The following WIPF1 variants were observed in gnomAD, a reference collection of about 807,000 sequenced individuals.
The protein encoded by WIPF1 is WAS/WASL interacting protein family member 1.
A neutral mutation model predicts 35.4 loss-of-function variants in WIPF1; 13 were observed. The ratio of observed to expected loss-of-function variants is 0.37; its 90% CI spans 0.24 to 0.58. The LOEUF (loss-of-function observed/expected upper bound fraction) is 0.58, where lower values mean the gene tolerates loss of function less well. WIPF1 is among the 20% of genes least tolerant of loss of function. The probability of loss-of-function intolerance (pLI) is 0.74; values close to 1 mark genes in which losing one functional copy is unlikely to be tolerated. For synonymous variants in WIPF1, 267 were observed against 266.3 expected (o/e 1.00, Z -0.02); for missense variants, 591 against 667.0 (o/e 0.89, Z 1.25).
intron 2 of WIPF1, 87 bp downstream of exon 2, chr2:174,585,430 GCAAACA>G (rs1685379450): frequency 3.1e-6 from 4 of 1,309,938 alleles, no homozygotes; most frequent in Middle Eastern, 3.9e-4. Flanking sequence ...GAGCCAGAAT[GCAAACA>G]CATTTAATAC....
intron 1 of WIPF1, among the ~76,000 whole-genome samples, chr2:174,629,140 G>A (rs1302569779): frequency 6.6e-6 from 1 of 152,114 alleles, no homozygotes; most frequent in African/African-American, 2.4e-5. Flanking sequence ...TTGAGCCTAG[G>A]GGTTCGAGAC....
chr2:174,573,808 G>A (rs934132884), intron 4 of WIPF1, among the ~76,000 whole-genome samples: 5 of 152,154 alleles, frequency 3.3e-5, no homozygotes, highest in African/African-American at 7.2e-5. Context: ...AAGGGGTTCC[G>A]ATTTTATCTA....
chr2:174,594,003 A>G (rs998606816), intron 1 of WIPF1, among the ~76,000 whole-genome samples: 1 of 152,226 alleles, frequency 6.6e-6, no homozygotes, highest in Non-Finnish European at 1.5e-5. Context: ...AGCCTCACCC[A>G]GTTGGTTCTT....
At chr2:174,658,195 G>A (rs942525976) in intron 1 of WIPF1, among the ~76,000 whole-genome samples, 8 of 152,018 alleles carry the variant, frequency 5.3e-5, no homozygotes, top group Non-Finnish European at 1.0e-4. Context: ...TAGGAGCAGC[G>A]GGTTTCTGCA....
At chr2:174,667,927 G>A (rs1453648461) in intron 1 of WIPF1, among the ~76,000 whole-genome samples, 1 of 152,198 alleles carries the variant, frequency 6.6e-6, no homozygotes, top group Non-Finnish European at 1.5e-5. Flanking sequence ...AGAAGTTACT[G>A]GAGAAAGGTA....
chr2:174,574,696 T>G, intron 4 of WIPF1: 1 of 604,066 alleles, frequency 1.7e-6, no homozygotes, highest in East Asian at 2.8e-5. Context: ...CAGAGACTCC[T>G]GAGAACCACT....
At chr2:174,595,088 CAA>C (rs57521272) in intron 1 of WIPF1, among the ~76,000 whole-genome samples, 7 of 5,060 alleles carry the variant, frequency 1.4e-3, no homozygotes, top group African/African-American at 3.6e-3. Flanking sequence ...CTCATCTCTA[CAA>C]AAAAAAAAAA....
chr2:174,582,749 A>G (rs1232322873), intron 2 of WIPF1, among the ~76,000 whole-genome samples: 1 of 152,242 alleles, frequency 6.6e-6, no homozygotes, highest in African/African-American at 2.4e-5. Flanking sequence ...TAGCAGAGTT[A>G]GAGGCAAAGG....
chr2:174,603,340 A>C (rs1686063249), intron 1 of WIPF1, among the ~76,000 whole-genome samples: 1 of 152,202 alleles, frequency 6.6e-6, no homozygotes, highest in Non-Finnish European at 1.5e-5. Context: ...AAAGACTCTT[A>C]AGTGATAAAG....
chr2:174,602,955 G>A (rs1166109110), intron 1 of WIPF1, among the ~76,000 whole-genome samples: 1 of 152,204 alleles, frequency 6.6e-6, no homozygotes, highest in Non-Finnish European at 1.5e-5. Flanking sequence ...AAAAGCATGT[G>A]ATTCAAGGCT....
At chr2:174,626,465 T>A (rs1443502320) in intron 1 of WIPF1, among the ~76,000 whole-genome samples, 3 of 152,158 alleles carry the variant, frequency 2.0e-5, no homozygotes, top group African/African-American at 7.2e-5. Context: ...CAGACACACA[T>A]ATCCAACTGC....
At chr2:174,595,488 T>C (rs189588394) in intron 1 of WIPF1, among the ~76,000 whole-genome samples, 52 of 152,120 alleles carry the variant, frequency 3.4e-4, no homozygotes, top group Admixed American at 2.5e-3. Flanking sequence ...ACCTACTTAG[T>C]AGGGTTATTC....
At chr2:174,565,976 C>T (rs758759106) in intron 7 of WIPF1, among the ~76,000 whole-genome samples, 8 of 152,066 alleles carry the variant, frequency 5.3e-5, no homozygotes, top group African/African-American at 9.7e-5. Context: ...CTCTGCATCC[C>T]GGGTTCTAGT....
intron 1 of WIPF1, among the ~76,000 whole-genome samples, chr2:174,596,209 A>G (rs7558523): frequency 0.08 from 12,172 of 152,294 alleles, 628 homozygotes; most frequent in African/African-American, 0.14. Context: ...CTGAAGCGCT[A>G]TGAGCAAATA....
chr2:174,575,154 C>G, intron 4 of WIPF1, 50 bp downstream of exon 4: 1 of 1,563,478 alleles, frequency 6.4e-7, no homozygotes, highest in South Asian at 1.2e-5. Context: ...TCCAAACTGC[C>G]AAACTCTGCC....
intron 1 of WIPF1, among the ~76,000 whole-genome samples, chr2:174,615,438 T>C (rs1256504966): frequency 6.6e-6 from 1 of 152,202 alleles, no homozygotes; most frequent in Non-Finnish European, 1.5e-5. Flanking sequence ...AGTGTAGGCA[T>C]AAAAGTTCTT....
chr2:174,645,972 G>C (rs1687400619), intron 1 of WIPF1, among the ~76,000 whole-genome samples: 1 of 152,170 alleles, frequency 6.6e-6, no homozygotes, highest in African/African-American at 2.4e-5. Flanking sequence ...TTTTAAGAAG[G>C]CTCATAAATA....
At chr2:174,589,160 G>A (rs935809195) in intron 1 of WIPF1, among the ~76,000 whole-genome samples, 1 of 152,182 alleles carries the variant, frequency 6.6e-6, no homozygotes, top group East Asian at 1.9e-4. Context: ...GGGCCCACCG[G>A]CCACACCAGG....
At chr2:174,672,422 A>C (rs10179560) in intron 1 of WIPF1, among the ~76,000 whole-genome samples, 1,582 of 152,346 alleles carry the variant, frequency 0.01, 36 homozygotes, top group African/African-American at 0.036. Context: ...TGTTTCAGCT[A>C]ATATTCCTTC....
Sources: gnomAD v4.1 joint callset for allele counts (sites outside exome capture counted in the v4.1 genomes callset) on GRCh38, gnomAD v4.1.1 for gene constraint, MANE v1.5 for transcripts, NCBI Gene and HGNC (gene_info 2026-07-23, HGNC 2026-07-21) for gene names.